The following ZBED6 variants were observed in gnomAD, a reference collection of about 807,000 sequenced individuals.
ZBED6 encodes zinc finger BED-type containing 6, also known as zinc finger BED domain-containing protein 6.
ZBED6 carries 40 observed loss-of-function variants against 58.4 expected under a neutral mutation model. The ratio of observed to expected loss-of-function variants is 0.68; its 90% CI spans 0.53 to 0.89. ZBED6 has a LOEUF of 0.89. Ranked by LOEUF, ZBED6 falls within the 40% of genes least tolerant of loss-of-function variation. ZBED6 has a pLI of 0.00. For synonymous variants in ZBED6, 439 were observed against 350.6 expected, an observed-to-expected ratio of 1.25 and a Z score of -2.82; for missense variants, 1,057 against 1,003.9, an observed-to-expected ratio of 1.05 and a Z score of -0.71.
chr1:203,846,703 A>T (rs1687995124), intron 11 of ZBED6, among the ~76,000 whole-genome samples: 1 of 152,234 alleles, frequency 6.6e-6, no homozygotes, highest in Non-Finnish European at 1.5e-5. Flanking sequence ...GTTAAGATTT[A>T]TAATGACAAA....
chr1:203,808,535 A>G (rs1673144963), intron 1 of ZBED6, among the ~76,000 whole-genome samples: 1 of 152,204 alleles, frequency 6.6e-6, no homozygotes, highest in African/African-American at 2.4e-5. Context: ...TAATCTCTAC[A>G]AATTCCATTC....
chr1:203,853,585 C>A (rs1295895420), exon 17 of ZBED6: 3 of 152,584 alleles, frequency 2.0e-5, no homozygotes, highest in African/African-American at 7.2e-5. Context: ...GAAGGACTTA[C>A]CCATTTTGAT....
chr1:203,800,167 A>C, exon 1 of ZBED6: 5 of 1,533,112 alleles, frequency 3.3e-6, no homozygotes, highest in Non-Finnish European at 4.4e-6. Flanking sequence ...TCAGGAGGTG[A>C]TGACCCTTTA....
chr1:203,821,963 T>C (rs1678890898), intron 3 of ZBED6, among the ~76,000 whole-genome samples: 1 of 152,160 alleles, frequency 6.6e-6, no homozygotes, highest in Non-Finnish European at 1.5e-5. Context: ...TTCACCGTGT[T>C]AGCCAGGATG....
intron 14 of ZBED6, 89 bp downstream of exon 14, chr1:203,850,115 G>T: frequency 8.2e-7 from 1 of 1,225,364 alleles, no homozygotes; most frequent in South Asian, 1.4e-5. Flanking sequence ...GGCAACAATT[G>T]GGTTGAATTT....
At chr1:203,850,448 T>G (rs1688988564) in intron 14 of ZBED6, 67 bp from the exon 15 acceptor site, 1 of 1,579,390 alleles carries the variant, frequency 6.3e-7, no homozygotes, top group Non-Finnish European at 8.7e-7. Flanking sequence ...GATATTTTAT[T>G]CTGAATTATT....
At chr1:203,841,140 ATCTT>A (rs1347903323) in intron 11 of ZBED6, among the ~76,000 whole-genome samples, 1 of 147,538 alleles carries the variant, frequency 6.8e-6, no homozygotes, top group Non-Finnish European at 1.5e-5. Context: ...CAACATAAGA[ATCTT>A]TTTTTTTTTT....
intron 7 of ZBED6, 118 bp downstream of exon 7, chr1:203,830,321 A>G: frequency 1.3e-6 from 1 of 781,662 alleles, no homozygotes; most frequent in Non-Finnish European, 2.1e-6. Context: ...GGCCTGTTTG[A>G]AGTAAAACAC....
chr1:203,841,354 ACT>A (rs1234919183), intron 11 of ZBED6, among the ~76,000 whole-genome samples: 1 of 151,724 alleles, frequency 6.6e-6, no homozygotes, highest in Non-Finnish European at 1.5e-5. Context: ...AGTGGTGATG[ACT>A]CTTAACGAGC....
chr1:203,842,464 G>T (rs556087915), intron 11 of ZBED6, among the ~76,000 whole-genome samples: 18 of 151,980 alleles, frequency 1.2e-4, no homozygotes, highest in African/African-American at 4.4e-4. Context: ...CAAGTGTGGC[G>T]GCGCGCGCCT....
Position 203,800,221 on chromosome 1 carries a change from AG to A in ZBED6, c.2701del (p.Val901LeufsTer6). 7.0e-7 allele frequency: 1 copy of A among 1,436,910 alleles called. No individual in the cohort carries two copies. Among genetic ancestry groups the A allele is most frequent in the Non-Finnish European group, 9.5e-7 (1 of 1,056,658 alleles). The allele number at this position is 1,436,910 out of a possible 1,614,324, so 89.0% of individuals were successfully genotyped here. ...ATAAGCATATGGCCGGCTTTGACCC[AG>A]GTTGCCATCCAGTATCTAAGTTGCC... is the stretch of plus-strand genomic sequence containing the variant. On this transcript the variant is annotated frameshift_variant, in exon 1 of 17. Coordinates refer to ENST00000550078, the Ensembl canonical transcript of ZBED6. LOFTEE classifies it high-confidence loss of function.
At chr1:203,826,318 ATAT>A (rs774306042) in intron 3 of ZBED6, among the ~76,000 whole-genome samples, 9 of 151,606 alleles carry the variant, frequency 5.9e-5, no homozygotes, top group African/African-American at 1.2e-4. Context: ...CTTTTAAAAA[ATAT>A]TATACTTTTA....
exon 1 of ZBED6, chr1:203,799,277 G>A: frequency 1.4e-6 from 1 of 737,500 alleles, no homozygotes; most frequent in South Asian, 1.5e-5. Flanking sequence ...CATGCTTCCT[G>A]CATTGTTTAA....
At chr1:203,822,919 T>C (rs1679250492) in intron 3 of ZBED6, among the ~76,000 whole-genome samples, 1 of 152,242 alleles carries the variant, frequency 6.6e-6, no homozygotes, top group Non-Finnish European at 1.5e-5. Context: ...AGAGTGAGAC[T>C]AAATATGCAG....
exon 1 of ZBED6, chr1:203,798,936 T>C: frequency 6.5e-7 from 1 of 1,536,074 alleles, no homozygotes; most frequent in Non-Finnish European, 8.7e-7. Context: ...TTTCTTAACT[T>C]TAGAGAATGT....
intron 14 of ZBED6, 31 bp downstream of exon 14, chr1:203,850,057 G>T (rs1273028598): frequency 6.3e-7 from 1 of 1,594,474 alleles, no homozygotes; most frequent in African/African-American, 1.3e-5. Context: ...TATTGCTTTA[G>T]GTTATCAAAA....
At chr1:203,819,030 C>T (rs1357693558) in intron 3 of ZBED6, among the ~76,000 whole-genome samples, 1 of 150,354 alleles carries the variant, frequency 6.7e-6, no homozygotes, top group African/African-American at 2.4e-5. Flanking sequence ...GATCGCACCA[C>T]TGCACTCCAG....
Position 203,828,287 on chromosome 1 carries a change from T to C in ZBED6, c.*2874-12T>C. The stretch of plus-strand genomic sequence containing the variant: ...GTTTTATTTGAAAGCAATGTGTTTT[T>C]CCCTCTTACAGAAAAAACGCAGTGA... On this transcript the variant is annotated splice_polypyrimidine_tract_variant and intron_variant, in intron 3 of 16. Transcript: ENST00000550078. 6.2e-7 allele frequency: 1 copy of C among 1,614,002 alleles called. No individual in the cohort carries two copies. Among genetic ancestry groups the C allele is most frequent in the African/African-American group, 1.3e-5 (1 of 75,046 alleles).
intron 8 of ZBED6, among the ~76,000 whole-genome samples, chr1:203,833,090 C>T (rs961673724): frequency 2.0e-5 from 3 of 152,014 alleles, no homozygotes; most frequent in African/African-American, 7.3e-5. Flanking sequence ...AAAAATTAGG[C>T]TGGGTGTGGT....
Sources: allele counts gnomAD v4.1 joint callset (sites outside exome capture counted in the v4.1 genomes callset), GRCh38; gene constraint gnomAD v4.1.1; transcripts MANE v1.5; gene names NCBI Gene and HGNC (gene_info 2026-07-23, HGNC 2026-07-21).